PTGER3: variants seen among roughly 807,000 people sequenced by gnomAD.
PTGER3 encodes the protein prostaglandin E receptor 3, also known as prostaglandin E2 receptor EP3 subtype.
Under a neutral mutation model 34.7 loss-of-function variants are expected in PTGER3, and 22 were observed. That is an observed-to-expected ratio of 0.63 (90% confidence interval 0.45 to 0.91). PTGER3 has a LOEUF of 0.91. Ranked by LOEUF, PTGER3 falls within the 40% of genes least tolerant of loss-of-function variation. The probability of loss-of-function intolerance (pLI) is 0.00; values close to 1 mark genes in which losing one functional copy is unlikely to be tolerated. For missense variants in PTGER3, 468 were observed against 519.4 expected (o/e 0.90, Z 0.96); for synonymous variants, 241 against 230.1 (o/e 1.05, Z -0.43).
intron 2 of PTGER3, among the ~76,000 whole-genome samples, chr1:70,965,380 C>A (rs1159608291): frequency 6.6e-6 from 1 of 152,080 alleles, no homozygotes; most frequent in Non-Finnish European, 1.5e-5. Context: ...GTTACTGAAG[C>A]AATGCAGATG....
chr1:70,953,491 A>G (rs1650981793), intron 3 of PTGER3, among the ~76,000 whole-genome samples: 1 of 152,136 alleles, frequency 6.6e-6, no homozygotes, highest in Non-Finnish European at 1.5e-5. Context: ...TGTGCTGCCA[A>G]GTCCCCACAG....
At chr1:70,931,663 T>G (rs988698790) in intron 4 of PTGER3, among the ~76,000 whole-genome samples, 1 of 152,232 alleles carries the variant, frequency 6.6e-6, no homozygotes, top group Admixed American at 6.5e-5. Context: ...TGGGCCAAGC[T>G]GTATGTTGGC....
chr1:71,006,639 ACT>A lies in PTGER3; in HGVS notation c.1077+5664_1077+5665del, dbSNP rs1213302828. ...TCATGTTGAAAATCGGAAAAGAGCA[ACT>A]CTCATATTTATATTAAATCAACAAT... On this transcript the variant is annotated intron_variant, in intron 2 of 3. Transcript: ENST00000306666. The A allele has an allele frequency of 1.0e-5, 10 of 979,240 alleles. No homozygotes were observed. In the African/African-American group the frequency reaches 1.8e-4, roughly 17 times the overall value. 60.7% of individuals were successfully genotyped at this position (979,240 alleles called of 1,614,324 possible).
Position 70,963,516 on chromosome 1 carries a change from C to T in PTGER3, c.1078-9727G>A, listed in dbSNP as rs553819144. Among the ~76,000 whole-genome samples the T allele has an allele frequency of 3.3e-5, 5 of 152,320 alleles. No homozygotes were observed. The South Asian group carries it at 1.0e-3, about 32-fold the overall frequency. ...GAGGGGCCCAAACTTCAATTCCTGG[C>T]CTTTGTGTACCTGCAGGCCCAACAC... On this transcript the variant is annotated intron_variant, in intron 2 of 3. Transcript: ENST00000356595.
At chr1:70,932,296 C>A (rs550269386) in intron 4 of PTGER3, among the ~76,000 whole-genome samples, 10 of 152,226 alleles carry the variant, frequency 6.6e-5, no homozygotes, top group African/African-American at 2.4e-4. Flanking sequence ...CCAAACTTTC[C>A]CACATTTTCC....
chr1:71,039,853 A>G (rs1252816399), intron 1 of PTGER3, among the ~76,000 whole-genome samples: 1 of 152,052 alleles, frequency 6.6e-6, no homozygotes, highest in Non-Finnish European at 1.5e-5. Context: ...AGTCAACACT[A>G]CTATCCAGTA....
chr1:70,943,682 A>AT (rs1011515223), intron 4 of PTGER3, among the ~76,000 whole-genome samples: 6 of 151,986 alleles, frequency 3.9e-5, no homozygotes, highest in Middle Eastern at 3.4e-3. Flanking sequence ...AACTAATAAT[A>AT]TTTTTTTCCA....
chr1:70,991,875 G>A (rs1439225046), intron 2 of PTGER3, among the ~76,000 whole-genome samples: 1 of 152,092 alleles, frequency 6.6e-6, no homozygotes, highest in African/African-American at 2.4e-5. Context: ...TTGTGTCCTT[G>A]CTCAAAGAAA....
intron 2 of PTGER3, among the ~76,000 whole-genome samples, chr1:70,991,043 C>A (rs554731335): frequency 1.1e-4 from 17 of 152,242 alleles, no homozygotes; most frequent in Middle Eastern, 6.8e-3. Flanking sequence ...TCTCATTGAC[C>A]TTGGGCTTCC....
chr1:70,934,172 G>A (rs917584225), intron 4 of PTGER3, among the ~76,000 whole-genome samples: 37 of 151,998 alleles, frequency 2.4e-4, no homozygotes, highest in African/African-American at 8.0e-4. Context: ...AACTAAACTC[G>A]TAATTACCTG....
At chr1:71,020,609 A>G (rs977383156) in intron 1 of PTGER3, among the ~76,000 whole-genome samples, 2 of 151,910 alleles carry the variant, frequency 1.3e-5, no homozygotes, top group East Asian at 3.9e-4. Flanking sequence ...CCAAGGGGCA[A>G]ATGGAGGAAA....
chr1:70,886,456 T>A (rs1177369607), intron 4 of PTGER3: 1 of 243,234 alleles, frequency 4.1e-6, no homozygotes, highest in Non-Finnish European at 9.0e-6. Flanking sequence ...ACTGAAATCA[T>A]CAGACCACAA....
chr1:70,894,867 A>G (rs796170662), intron 4 of PTGER3, among the ~76,000 whole-genome samples: 41 of 152,304 alleles, frequency 2.7e-4, no homozygotes, highest in African/African-American at 9.6e-4. Flanking sequence ...GCTGAATGGC[A>G]AAGTTGGGGG....
At chr1:70,895,167 A>G (rs1646698991) in intron 4 of PTGER3, among the ~76,000 whole-genome samples, 1 of 152,224 alleles carries the variant, frequency 6.6e-6, no homozygotes, top group Non-Finnish European at 1.5e-5. Context: ...AAATAGGAGA[A>G]ATTACAAATA....
intron 4 of PTGER3, chr1:70,869,106 A>T (rs1369608140): frequency 6.1e-6 from 2 of 328,402 alleles, no homozygotes; most frequent in Non-Finnish European, 1.2e-5. Flanking sequence ...CCATGCTTGT[A>T]CATGCTTTAC....
At chr1:71,009,866 C>T in intron 2 of PTGER3, 1 of 985,150 alleles carries the variant, frequency 1.0e-6, no homozygotes, top group Non-Finnish European at 1.2e-6. Context: ...TCTTTCTAAC[C>T]ACCGCTCTAG....
At chr1:70,906,897 A>T (rs1417973819) in intron 4 of PTGER3, among the ~76,000 whole-genome samples, 1 of 152,238 alleles carries the variant, frequency 6.6e-6, no homozygotes, top group Non-Finnish European at 1.5e-5. Flanking sequence ...TGCAGATGTT[A>T]ACAAATGCAA....
At chr1:71,046,123 TA>T (rs796109404) in intron 1 of PTGER3, among the ~76,000 whole-genome samples, 1,850 of 140,828 alleles carry the variant, frequency 0.013, 33 homozygotes, top group African/African-American at 0.042. Context: ...CTACTAAAAA[TA>T]AAAAAAAAAA....
chr1:71,034,877 A>G (rs868233059), intron 1 of PTGER3, among the ~76,000 whole-genome samples: 1 of 152,192 alleles, frequency 6.6e-6, no homozygotes, highest in Non-Finnish European at 1.5e-5. Context: ...TAGCTTTGCT[A>G]CCTTGAACAA....
Sources: allele counts gnomAD v4.1 joint callset (sites outside exome capture counted in the v4.1 genomes callset), GRCh38; gene constraint gnomAD v4.1.1; transcripts MANE v1.5; gene names NCBI Gene and HGNC (gene_info 2026-07-23, HGNC 2026-07-21).